SERPINB7: variants seen among roughly 807,000 people sequenced by gnomAD.
The protein encoded by SERPINB7 is serpin B7.
Under a neutral mutation model 37.4 loss-of-function variants are expected in SERPINB7, and 31 were observed. That is an observed-to-expected ratio of 0.83 (90% CI 0.62 to 1.12). The LOEUF is 1.12. Among genes scored for constraint, SERPINB7 ranks in the 50% most tolerant of loss-of-function variants. The pLI, the probability that SERPINB7 is intolerant of heterozygous loss-of-function variation, is 0.00. For synonymous variants in SERPINB7, 163 were observed against 166.1 expected (o/e 0.98, Z 0.14); for missense variants, 521 against 455.3 (o/e 1.14, Z -1.31).
At chr18:63,783,000 T>A (rs1342614591) in intron 2 of SERPINB7, among the ~76,000 whole-genome samples, 1 of 151,208 alleles carries the variant, frequency 6.6e-6, no homozygotes. Flanking sequence ...TAGCCGGGCA[T>A]GGTGGCGGGC....
At chr18:63,783,829 T>A (rs1000385945) in intron 2 of SERPINB7, among the ~76,000 whole-genome samples, 2 of 152,190 alleles carry the variant, frequency 1.3e-5, no homozygotes, top group Non-Finnish European at 2.9e-5. Context: ...GCCAGAGGAA[T>A]CTGGTGCCTG....
chr18:63,775,383 T>A (rs750447212), upstream of SERPINB7: 6 of 152,118 alleles, frequency 3.9e-5, no homozygotes, highest in Non-Finnish European at 5.9e-5. Context: ...GTGCTCTGAG[T>A]CATAGGGAAG....
chr18:63,770,508 T>C (rs2144594097), upstream of SERPINB7, among the ~76,000 whole-genome samples: 1 of 152,022 alleles, frequency 6.6e-6, no homozygotes, highest in Non-Finnish European at 1.5e-5. Context: ...GCTATTGTCA[T>C]TATTATTATT....
chr18:63,795,724 T>A (rs1299069929), intron 4 of SERPINB7, among the ~76,000 whole-genome samples: 1 of 152,168 alleles, frequency 6.6e-6, no homozygotes, highest in Non-Finnish European at 1.5e-5. Flanking sequence ...AGGAATGTTG[T>A]TCAAACACCT....
At chr18:63,789,122 A>C (rs2049401203) in intron 2 of SERPINB7, among the ~76,000 whole-genome samples, 1 of 152,246 alleles carries the variant, frequency 6.6e-6, no homozygotes, top group Non-Finnish European at 1.5e-5. Context: ...ATTATGTCAT[A>C]ATCAAATATG....
intron 2 of SERPINB7, among the ~76,000 whole-genome samples, chr18:63,787,151 G>A (rs1232428838): frequency 4.6e-5 from 7 of 152,022 alleles, no homozygotes; most frequent in Non-Finnish European, 7.4e-5. Flanking sequence ...CATCACATGA[G>A]GTCACATATG....
intron 2 of SERPINB7, among the ~76,000 whole-genome samples, chr18:63,787,662 A>G (rs2049385815): frequency 6.6e-6 from 1 of 152,220 alleles, no homozygotes; most frequent in African/African-American, 2.4e-5. Flanking sequence ...TATTAAAAAC[A>G]AAACAAAACA....
In SERPINB7 at chr18:63,782,400, G is replaced by A. The variant is rs376217911; in HGVS notation, c.28G>A (p.Glu10Lys). The change falls in exon 2 of 8, where the codon GAG becomes AAG. Residue 10 changes from glutamate (E) to lysine (K), a missense_variant. Coordinates refer to ENST00000398019, the MANE Select transcript of SERPINB7 (RefSeq NM_003784.4). ...GGCCTCCCTTGCTGCAGCAAATGCAGAGTTTTGCTTCAACCTGTTCAGAGA... is the reference window on the plus strand; with the variant it reads ...GGCCTCCCTTGCTGCAGCAAATGCAAAGTTTTGCTTCAACCTGTTCAGAGA... MASLAAANA[E>K]FCFNLFREMD... is the part of the protein sequence containing the mutation. The A allele has an allele frequency of 3.2e-5, 52 of 1,612,782 alleles. No homozygotes were observed. The highest frequency in any genetic ancestry group is 3.8e-5 in the Non-Finnish European group (45 of 1,179,294).
chr18:63,795,180 G>A (rs945712577), intron 4 of SERPINB7, among the ~76,000 whole-genome samples: 1 of 152,186 alleles, frequency 6.6e-6, no homozygotes, highest in Admixed American at 6.5e-5. Context: ...GCTGTTTTGT[G>A]AAGGACTCAG....
intron 2 of SERPINB7, among the ~76,000 whole-genome samples, chr18:63,789,812 A>T (rs913106085): frequency 1.3e-5 from 2 of 152,348 alleles, no homozygotes; most frequent in Middle Eastern, 3.4e-3. Context: ...TTTCTTTATC[A>T]TAACATGCAT....
In SERPINB7 at chr18:63,795,670, T is replaced by A. The variant is rs549537663; in HGVS notation, c.337-596T>A. On this transcript the variant is annotated intron_variant, in intron 4 of 7. Transcript: ENST00000398019. ...GACAGCCATACTTGGAACTAGAAAA[T>A]GGGTAAGACATAATCATGAGCTATA... Among the ~76,000 whole-genome samples the A allele has an allele frequency of 6.5e-4, 96 of 148,628 alleles. No individual in the cohort carries two copies. In the Middle Eastern group the frequency reaches 0.014, roughly 21 times the overall value.
At chr18:63,767,816 G>A (rs147533203) in intron 1 of SERPINB7, among the ~76,000 whole-genome samples, 1 of 151,958 alleles carries the variant, frequency 6.6e-6, no homozygotes, top group South Asian at 2.1e-4. Context: ...TCTATTTTTG[G>A]AGTTTAAAAC....
At chr18:63,802,667 TG>T (rs971422160) in intron 7 of SERPINB7, among the ~76,000 whole-genome samples, 2 of 152,202 alleles carry the variant, frequency 1.3e-5, no homozygotes, top group Admixed American at 1.3e-4. Context: ...GTATTTGTTT[TG>T]TTTTGACTTG....
rs576461550 is a variant in SERPINB7 at position 63,794,645 on chromosome 18, G to C, written c.336+1368G>C. Reference sequence around the variant, plus strand: ...GCGGAGCTTGCAGTGAGCCAAGATAGCGCCACTGCACTCCGGCCTGGGCGA... The same window carrying C: ...GCGGAGCTTGCAGTGAGCCAAGATACCGCCACTGCACTCCGGCCTGGGCGA... On this transcript the variant is annotated intron_variant, in intron 4 of 7. Transcript: ENST00000398019. 3.9e-5 allele frequency among the ~76,000 whole-genome samples: 6 copies of C among 152,216 alleles called. No individual in the cohort carries two copies. The East Asian group carries it at 1.2e-3, about 29-fold the overall frequency.
At chr18:63,802,367 T>C (rs1047241993) in intron 7 of SERPINB7, among the ~76,000 whole-genome samples, 1 of 152,210 alleles carries the variant, frequency 6.6e-6, no homozygotes, top group Non-Finnish European at 1.5e-5. Flanking sequence ...GAGTTTGATC[T>C]GCAATCTCAG....
At chr18:63,764,538 C>T (rs1314043991) in intron 1 of SERPINB7, among the ~76,000 whole-genome samples, 1 of 152,056 alleles carries the variant, frequency 6.6e-6, no homozygotes, top group Non-Finnish European at 1.5e-5. Flanking sequence ...TAACAGGTGA[C>T]TCGATGTGTT....
intron 1 of SERPINB7, among the ~76,000 whole-genome samples, chr18:63,768,834 T>C (rs1429634241): frequency 6.6e-6 from 1 of 152,122 alleles, no homozygotes; most frequent in Non-Finnish European, 1.5e-5. Flanking sequence ...CCCAGTCTAC[T>C]ACTAAGCTCT....
At chr18:63,765,531 C>G (rs2049176180) in intron 1 of SERPINB7, among the ~76,000 whole-genome samples, 1 of 152,170 alleles carries the variant, frequency 6.6e-6, no homozygotes, top group South Asian at 2.1e-4. Flanking sequence ...AAATATTTCA[C>G]TAGCTTCCCT....
At chr18:63,796,605 A>T (rs560122935) in intron 5 of SERPINB7, among the ~76,000 whole-genome samples, 12 of 152,312 alleles carry the variant, frequency 7.9e-5, no homozygotes, top group African/African-American at 2.6e-4. Flanking sequence ...AGTCTTTTAC[A>T]TTATCTCATT....
Sources: gnomAD v4.1 joint callset for allele counts (sites outside exome capture counted in the v4.1 genomes callset) on GRCh38, gnomAD v4.1.1 for gene constraint, MANE v1.5 for transcripts, NCBI Gene and HGNC (gene_info 2026-07-23, HGNC 2026-07-21) for gene names.